The following RAD51B variants were observed in gnomAD, a reference collection of about 807,000 sequenced individuals.
RAD51B encodes RAD51 paralog B.
In RAD51B, 38 loss-of-function variants were observed where a neutral mutation model predicts 42.2. That is an observed-to-expected ratio of 0.90 (90% CI 0.70 to 1.18). The LOEUF is 1.18. RAD51B is among the 50% of genes most tolerant of loss of function. RAD51B has a pLI of 0.00. For synonymous variants in RAD51B, 154 were observed against 145.2 expected (o/e 1.06, Z -0.43); for missense variants, 373 against 400.7 (o/e 0.93, Z 0.59).
At chr14:67,891,644 GATTTATTT>G (rs140848477) in intron 7 of RAD51B, among the ~76,000 whole-genome samples, 1 of 151,258 alleles carries the variant, frequency 6.6e-6, no homozygotes, top group African/African-American at 2.4e-5. Context: ...TGTGGGCCTG[GATTTATTT>G]ATTTATTTAT....
At chr14:67,940,780 A>AG (rs1032951654) in intron 7 of RAD51B, among the ~76,000 whole-genome samples, 2 of 142,826 alleles carry the variant, frequency 1.4e-5, no homozygotes, top group Non-Finnish European at 3.1e-5. Context: ...TAGTATCAGT[A>AG]GGAAAAAAAA....
chr14:68,273,192 T>A (rs1472589907), intron 7 of RAD51B, among the ~76,000 whole-genome samples: 1 of 152,114 alleles, frequency 6.6e-6, no homozygotes, highest in African/African-American at 2.4e-5. Flanking sequence ...TGGTTATGAT[T>A]TTGCTTAAGG....
At chr14:68,557,910 A>T (rs527539730) in intron 10 of RAD51B, among the ~76,000 whole-genome samples, 1 of 151,876 alleles carries the variant, frequency 6.6e-6, no homozygotes, top group Non-Finnish European at 1.5e-5. Flanking sequence ...CCAGACTGAA[A>T]AAAAGGTGCA....
At chr14:68,472,839 G>A (rs1044768354) in intron 10 of RAD51B, among the ~76,000 whole-genome samples, 3 of 152,182 alleles carry the variant, frequency 2.0e-5, no homozygotes, top group African/African-American at 4.8e-5. Flanking sequence ...AAGCAACAGC[G>A]ATCTTTTTTA....
At chr14:68,241,464 C>G (rs2141002811) in intron 7 of RAD51B, among the ~76,000 whole-genome samples, 1 of 152,230 alleles carries the variant, frequency 6.6e-6, no homozygotes, top group African/African-American at 2.4e-5. Flanking sequence ...GTGGCATGAA[C>G]CCAGGAGGCC....
intron 7 of RAD51B, among the ~76,000 whole-genome samples, chr14:67,965,303 A>G (rs189720427): frequency 2.0e-5 from 3 of 151,884 alleles, no homozygotes; most frequent in Middle Eastern, 3.4e-3. Context: ...TGTTTCTTCT[A>G]TCACTAAAAT....
chr14:68,285,910 T>G (rs147955692), intron 7 of RAD51B, among the ~76,000 whole-genome samples: 193 of 152,306 alleles, frequency 1.3e-3, no homozygotes, highest in Admixed American at 3.2e-3. Flanking sequence ...CATATAAGAT[T>G]GCCTCACATA....
intron 7 of RAD51B, among the ~76,000 whole-genome samples, chr14:68,247,263 A>T (rs2141013563): frequency 6.6e-6 from 1 of 152,344 alleles, no homozygotes; most frequent in East Asian, 1.9e-4. Context: ...AGCTTGAAAA[A>T]AAAAATGTAT....
chr14:68,063,588 T>C (rs1280174194), intron 7 of RAD51B, among the ~76,000 whole-genome samples: 1 of 151,996 alleles, frequency 6.6e-6, no homozygotes, highest in Non-Finnish European at 1.5e-5. Context: ...ATACAAAAAT[T>C]AGCTGGGTGT....
At chr14:68,573,173 TTCTCACCTCACTCACAGCCTTCCAGCAGC>T (rs1255518622) in intron 10 of RAD51B, among the ~76,000 whole-genome samples, 9 of 152,190 alleles carry the variant, frequency 5.9e-5, no homozygotes, top group Admixed American at 3.3e-4. Context: ...CTTCCAGCAG[TTCTCACCTCACTCACAGCCTTCCAGCAGC>T]TCTCACCTCA....
chr14:67,865,212 G>C (rs1475758752), intron 5 of RAD51B, 73 bp downstream of exon 5: 17 of 1,320,922 alleles, frequency 1.3e-5, no homozygotes, highest in Non-Finnish European at 1.7e-5. Context: ...TTTACACATA[G>C]GTTAACATTT....
At chr14:68,545,741 G>A in intron 10 of RAD51B, 1 of 420,104 alleles carries the variant, frequency 2.4e-6, no homozygotes, top group Middle Eastern at 3.5e-4. Flanking sequence ...AAGGGCTTGG[G>A]ATTCACAGAT....
At chr14:68,389,521 T>G (rs1186726844) in intron 8 of RAD51B, among the ~76,000 whole-genome samples, 1 of 152,248 alleles carries the variant, frequency 6.6e-6, no homozygotes, top group Admixed American at 6.5e-5. Context: ...TACATTAATA[T>G]GTCAGTGTTT....
intron 7 of RAD51B, among the ~76,000 whole-genome samples, chr14:68,151,929 C>T (rs764749957): frequency 3.7e-5 from 5 of 133,382 alleles, no homozygotes; most frequent in South Asian, 4.9e-4. Context: ...CCACAACCTC[C>T]GCCTCCTGGG....
intron 7 of RAD51B, among the ~76,000 whole-genome samples, chr14:68,097,922 C>T (rs2077222205): frequency 6.6e-6 from 1 of 152,210 alleles, no homozygotes; most frequent in Non-Finnish European, 1.5e-5. Context: ...GACTTTGTTG[C>T]ATCATCACGT....
intron 8 of RAD51B, among the ~76,000 whole-genome samples, chr14:68,364,976 T>C (rs556548976): frequency 1.1e-4 from 17 of 152,332 alleles, no homozygotes; most frequent in African/African-American, 4.1e-4. Context: ...GAGACGCCCA[T>C]GTCTGGGTGC....
intron 7 of RAD51B, among the ~76,000 whole-genome samples, chr14:67,977,557 G>A (rs1051797380): frequency 6.6e-6 from 1 of 152,174 alleles, no homozygotes; most frequent in African/African-American, 2.4e-5. Flanking sequence ...CTTCAGCTAT[G>A]GGCCTGGCCA....
chr14:68,330,270 A>G (rs2082323281), intron 8 of RAD51B, among the ~76,000 whole-genome samples: 1 of 152,254 alleles, frequency 6.6e-6, no homozygotes, highest in Non-Finnish European at 1.5e-5. Context: ...AGGCTATTTA[A>G]CTAAAAGAAA....
chr14:68,490,724 A>G (rs1445369834), intron 10 of RAD51B, among the ~76,000 whole-genome samples: 1 of 152,202 alleles, frequency 6.6e-6, no homozygotes, highest in Non-Finnish European at 1.5e-5. Context: ...CCTTGAATTC[A>G]GCAACAAAGA....
Sources: allele counts gnomAD v4.1 joint callset (sites outside exome capture counted in the v4.1 genomes callset), GRCh38; gene constraint gnomAD v4.1.1; transcripts MANE v1.5; gene names NCBI Gene and HGNC (gene_info 2026-07-23, HGNC 2026-07-21).